The following NRXN3 variants were observed in gnomAD, a reference collection of about 807,000 sequenced individuals.
The protein encoded by NRXN3 is neurexin III.
In NRXN3, 32 loss-of-function variants were observed where a neutral mutation model predicts 137.6. That is an observed-to-expected ratio of 0.23 (90% CI 0.18 to 0.31). The LOEUF (loss-of-function observed/expected upper bound fraction) is 0.31. Among genes scored for constraint, NRXN3 ranks in the 10% least tolerant of loss-of-function variants. NRXN3 has a pLI of 1.00. For synonymous variants in NRXN3, 798 were observed against 784.5 expected, an observed-to-expected ratio of 1.02 and a Z score of -0.29; for missense variants, 1,574 against 2,062.5, an observed-to-expected ratio of 0.76 and a Z score of 4.59.
At chr14:79,391,286 G>C (rs1456956714) in intron 15 of NRXN3, among the ~76,000 whole-genome samples, 2 of 152,258 alleles carry the variant, frequency 1.3e-5, no homozygotes, top group East Asian at 3.9e-4. Flanking sequence ...GATTCATTTT[G>C]AGAGGCAGCT....
intron 10 of NRXN3, among the ~76,000 whole-genome samples, chr14:78,873,437 T>C (rs1236673601): frequency 2.6e-5 from 4 of 152,344 alleles, no homozygotes; most frequent in Non-Finnish European, 4.4e-5. Flanking sequence ...CAGTATGGAA[T>C]ATGTTCATTA....
chr14:78,504,873 G>T (rs2095954373), intron 4 of NRXN3, among the ~76,000 whole-genome samples: 1 of 152,102 alleles, frequency 6.6e-6, no homozygotes, highest in South Asian at 2.1e-4. Context: ...ACCTTCAAGT[G>T]GGCCCGACTT....
chr14:78,974,127 G>T (rs1213619300), intron 14 of NRXN3, among the ~76,000 whole-genome samples: 1 of 152,142 alleles, frequency 6.6e-6, no homozygotes, highest in Non-Finnish European at 1.5e-5. Flanking sequence ...ATAGCTTTCA[G>T]TTTCAAAGTA....
intron 14 of NRXN3, among the ~76,000 whole-genome samples, chr14:78,977,620 C>T (rs1418385170): frequency 6.6e-6 from 1 of 152,170 alleles, no homozygotes; most frequent in African/African-American, 2.4e-5. Context: ...ATGCTACCAG[C>T]CATCCTCTCA....
chr14:79,239,760 A>C (rs892073153), intron 15 of NRXN3, among the ~76,000 whole-genome samples: 1 of 152,178 alleles, frequency 6.6e-6, no homozygotes. Flanking sequence ...CTAAGTGTTC[A>C]TCAGAGGATA....
At chr14:79,160,552 G>T (rs1596615881) in intron 15 of NRXN3, among the ~76,000 whole-genome samples, 1 of 151,918 alleles carries the variant, frequency 6.6e-6, no homozygotes, top group Admixed American at 6.6e-5. Context: ...TGAATGGATG[G>T]CTGGGTGGAT....
chr14:78,960,643 A>G (rs1334160659), intron 11 of NRXN3, among the ~76,000 whole-genome samples: 1 of 152,208 alleles, frequency 6.6e-6, no homozygotes, highest in Non-Finnish European at 1.5e-5. Flanking sequence ...TACTATACCA[A>G]GCATAACTTG....
At position 79,217,141 on chromosome 14, in the gene NRXN3, A is replaced by AAAAGAAAGAAAGAAAGAAAG. The variant is rs34660488; in HGVS notation, c.3262+229008_3262+229027dup. 3.9e-3 allele frequency among the ~76,000 whole-genome samples: 583 copies of AAAAGAAAGAAAGAAAGAAAG among 149,708 alleles called. 3 individuals are homozygous for AAAAGAAAGAAAGAAAGAAAG. Among genetic ancestry groups the AAAAGAAAGAAAGAAAGAAAG allele is most frequent in the Non-Finnish European group, 5.8e-3 (390 of 67,562 alleles). On this transcript the variant is annotated intron_variant, in intron 15 of 20. Transcript: ENST00000335750. ...GACAGAGCAAGACTCTGTCTCAAAA[A>AAAAGAAAGAAAGAAAGAAAG]AAAGAAAGAAAGAAAGAAAGAAAGA...
intron 19 of NRXN3, among the ~76,000 whole-genome samples, chr14:79,743,224 C>T (rs1013157592): frequency 2.0e-5 from 3 of 152,088 alleles, no homozygotes; most frequent in African/African-American, 7.2e-5. Context: ...TGTCAAGGAG[C>T]ACATGCTAGA....
chr14:78,369,893 C>T (rs796526519), intron 4 of NRXN3, among the ~76,000 whole-genome samples: 1 of 144,414 alleles, frequency 6.9e-6, no homozygotes, highest in Non-Finnish European at 1.5e-5. Context: ...ATTTTAAGAT[C>T]AGCTGGAGAG....
chr14:79,223,254 TAA>T (rs1323455847), intron 15 of NRXN3, among the ~76,000 whole-genome samples: 1 of 152,130 alleles, frequency 6.6e-6, no homozygotes, highest in Non-Finnish European at 1.5e-5. Context: ...GCCAAATATG[TAA>T]AGAGTTTGTC....
intron 20 of NRXN3, among the ~76,000 whole-genome samples, chr14:79,818,054 T>G (rs1373994958): frequency 7.2e-6 from 1 of 138,516 alleles, no homozygotes; most frequent in African/African-American, 2.7e-5. Flanking sequence ...GGGTTTTTTT[T>G]TTTTTTTTTT....
At chr14:79,567,575 A>G (rs2097562080) in intron 16 of NRXN3, among the ~76,000 whole-genome samples, 1 of 152,036 alleles carries the variant, frequency 6.6e-6, no homozygotes, top group African/African-American at 2.4e-5. Flanking sequence ...TTCTTCACTT[A>G]GCAATATTTA....
chr14:78,331,627 G>A (rs181646305), intron 4 of NRXN3, among the ~76,000 whole-genome samples: 67 of 152,310 alleles, frequency 4.4e-4, no homozygotes, highest in African/African-American at 1.5e-3. Context: ...GTGATTGAAG[G>A]CTACTTCCTG....
At chr14:78,748,450 A>G (rs569289101) in intron 8 of NRXN3, among the ~76,000 whole-genome samples, 1 of 152,202 alleles carries the variant, frequency 6.6e-6, no homozygotes, top group Non-Finnish European at 1.5e-5. Flanking sequence ...GGGGAAGGGT[A>G]GATAAAGAAG....
chr14:78,372,351 G>A (rs901949162), intron 4 of NRXN3, among the ~76,000 whole-genome samples: 9 of 147,848 alleles, frequency 6.1e-5, no homozygotes, highest in Admixed American at 6.1e-4. Context: ...ATGCTTGTTT[G>A]TTTGTCTGAT....
At chr14:79,014,077 C>A (rs575364644) in intron 15 of NRXN3, among the ~76,000 whole-genome samples, 1 of 152,282 alleles carries the variant, frequency 6.6e-6, no homozygotes, top group South Asian at 2.1e-4. Flanking sequence ...TAAAAAACCT[C>A]TGTATGGCAA....
intron 15 of NRXN3, among the ~76,000 whole-genome samples, chr14:79,188,308 A>G (rs564978448): frequency 3.9e-5 from 6 of 152,332 alleles, no homozygotes; most frequent in African/African-American, 1.4e-4. Context: ...TAGGAATCTC[A>G]AATCTCTAAA....
chr14:79,852,583 C>T (rs932761186), intron 20 of NRXN3, among the ~76,000 whole-genome samples: 4 of 151,908 alleles, frequency 2.6e-5, no homozygotes, highest in African/African-American at 9.7e-5. Flanking sequence ...GACTGCACGC[C>T]CTTTTTATTT....
Sources: allele counts gnomAD v4.1 joint callset (sites outside exome capture counted in the v4.1 genomes callset), GRCh38; gene constraint gnomAD v4.1.1; transcripts MANE v1.5; gene names NCBI Gene and HGNC (gene_info 2026-07-23, HGNC 2026-07-21).